AP3M1: variants seen among roughly 807,000 people sequenced by gnomAD.
AP3M1 encodes AP-3 complex subunit mu-1.
Under a neutral mutation model 42.6 loss-of-function variants are expected in AP3M1, and 29 were observed. The ratio of observed to expected loss-of-function variants is 0.68; its 90% CI spans 0.51 to 0.93. AP3M1 has a LOEUF of 0.93. AP3M1 is among the 40% of genes least tolerant of loss of function. The pLI, the probability that AP3M1 is intolerant of heterozygous loss-of-function variation, is 0.00. For synonymous variants in AP3M1, 178 were observed against 175.3 expected (o/e 1.02, Z -0.12); for missense variants, 416 against 510.2 (o/e 0.82, Z 1.78).
chr10:74,136,766 T>A lies in AP3M1; in HGVS notation c.311A>T (p.Asp104Val), dbSNP rs1488769399. Residue 104 changes from aspartate to valine, a missense_variant, in exon 3 of 9, where the codon GAT becomes GTT. Physicochemically the swap from Asp to Val is radical, Grantham distance 152 (BLOSUM62 -3). Transcript: ENST00000355264. ...FGECSEAAIK[D>V]NVVIVYELLE... ...GAGTTCATATACTATGACCACATTA[T>A]CCTTAATTGCAGCCTCTGAACACTC... 10 of 1,550,946 alleles carry A rather than the reference T, an allele frequency of 6.4e-6. No homozygotes were observed. The highest frequency in any genetic ancestry group is 1.4e-5 in the African/African-American group (1 of 73,888).
intron 7 of AP3M1, among the ~76,000 whole-genome samples, chr10:74,124,944 C>T (rs928300392): frequency 6.6e-6 from 1 of 152,094 alleles, no homozygotes; most frequent in Non-Finnish European, 1.5e-5. Flanking sequence ...CAAATGTTCT[C>T]CATCATAACC....
intron 1 of AP3M1, among the ~76,000 whole-genome samples, chr10:74,141,083 A>G (rs1444787761): frequency 2.0e-5 from 3 of 152,200 alleles, no homozygotes; most frequent in African/African-American, 4.8e-5. Flanking sequence ...AATTCACAAA[A>G]TGATAGTAAA....
At chr10:74,130,224 A>C (rs1037892051) in intron 4 of AP3M1, among the ~76,000 whole-genome samples, 2 of 151,972 alleles carry the variant, frequency 1.3e-5, no homozygotes, top group Non-Finnish European at 2.9e-5. Flanking sequence ...GCGTGCCATG[A>C]CACCTAGCCC....
intron 1 of AP3M1, among the ~76,000 whole-genome samples, chr10:74,146,260 C>A (rs942081529): frequency 6.6e-6 from 1 of 152,118 alleles, no homozygotes; most frequent in Non-Finnish European, 1.5e-5. Flanking sequence ...TAAGCAGAGA[C>A]TGATTGGTTC....
chr10:74,138,177 G>C lies in AP3M1; in HGVS notation c.203C>G (p.Ser68Cys). ...AGGTGGCACTTCGGTCTGTATGACAGATACAAAGAAGAGCTTATCCCGGTA... is the reference window on the plus strand; with the variant it reads ...AGGTGGCACTTCGGTCTGTATGACACATACAAAGAAGAGCTTATCCCGGTA... ...SIYRDKLFFVSVIQTEVPPLF... is the reference protein window; with the variant it reads ...SIYRDKLFFVCVIQTEVPPLF... Residue 68 changes from serine to cysteine, a missense_variant, in exon 2 of 9, where the codon TCT becomes TGT. Transcript: ENST00000355264. 1.2e-6 allele frequency: 2 copies of C among 1,614,148 alleles called. No individual in the cohort carries two copies. Among genetic ancestry groups the C allele is most frequent in the Non-Finnish European group, 1.7e-6 (2 of 1,180,016 alleles).
chr10:74,135,743 C>T (rs1320447326), intron 3 of AP3M1, among the ~76,000 whole-genome samples: 3 of 152,078 alleles, frequency 2.0e-5, no homozygotes, highest in African/African-American at 7.2e-5. Context: ...CAGTTATTTA[C>T]TTAATTTTTT....
At chr10:74,143,940 G>T (rs931833182) in intron 1 of AP3M1, among the ~76,000 whole-genome samples, 4 of 152,140 alleles carry the variant, frequency 2.6e-5, no homozygotes, top group Admixed American at 2.0e-4. Flanking sequence ...ACCCAATACT[G>T]AAGTTTTAAT....
chr10:74,137,934 G>C (rs1364241976), intron 2 of AP3M1, among the ~76,000 whole-genome samples, 173 bp downstream of exon 2: 4 of 152,170 alleles, frequency 2.6e-5, no homozygotes, highest in African/African-American at 7.2e-5. Context: ...ATAGTGAATA[G>C]AGCAGCCATG....
At chr10:74,124,897 G>A (rs1444237249) in intron 7 of AP3M1, among the ~76,000 whole-genome samples, 1 of 152,186 alleles carries the variant, frequency 6.6e-6, no homozygotes, top group South Asian at 2.1e-4. Context: ...GTTAGTCAGA[G>A]GTAAGGCTGG....
At chr10:74,135,325 C>T (rs1251737465) in intron 3 of AP3M1, among the ~76,000 whole-genome samples, 1 of 152,152 alleles carries the variant, frequency 6.6e-6, no homozygotes, top group Non-Finnish European at 1.5e-5. Context: ...ATGGAGAATG[C>T]TCTTATTCCT....
intron 1 of AP3M1, among the ~76,000 whole-genome samples, chr10:74,145,088 C>G (rs1157488444): frequency 6.6e-6 from 1 of 152,174 alleles, no homozygotes; most frequent in Non-Finnish European, 1.5e-5. Context: ...TTTAAAAGCA[C>G]CGACACAGGT....
intron 4 of AP3M1, among the ~76,000 whole-genome samples, chr10:74,133,029 G>A (rs1266669265): frequency 6.6e-6 from 1 of 152,114 alleles, no homozygotes; most frequent in Non-Finnish European, 1.5e-5. Context: ...AAGGCAGGTG[G>A]ATCACTTGAG....
In AP3M1 at chr10:74,150,814, A is replaced by G. The variant is rs1223701730; in HGVS notation, c.-63T>C. The G allele has an allele frequency of 1.6e-5, 3 of 182,454 alleles. No homozygotes were observed. The highest frequency in any genetic ancestry group is 7.1e-5 in the African/African-American group (3 of 42,144). The allele number at this position is 182,454 out of a possible 1,614,324, so 11.3% of individuals were successfully genotyped here. A position where few individuals can be genotyped will look rare whatever the true frequency, so the allele number is the denominator to read the frequency against. ...GATCCTCTCCTACCGAAGCTGGAGA[A>G]GCCGAGAAGGCCGCGAGGACCCGCA... On this transcript the variant is annotated 5_prime_UTR_variant, in exon 1 of 9. Transcript: ENST00000355264.
chr10:74,126,053 A>T, intron 7 of AP3M1, 95 bp downstream of exon 7: 2 of 1,345,728 alleles, frequency 1.5e-6, no homozygotes, highest in African/African-American at 1.4e-5. Flanking sequence ...CTTTAGTTTT[A>T]AACAAGGTGC....
At chr10:74,138,747 A>G in intron 1 of AP3M1, 1 of 173,614 alleles carries the variant, frequency 5.8e-6, no homozygotes, top group Non-Finnish European at 1.2e-5. Context: ...CCTGGGCAAC[A>G]GGGCAAAACA....
At chr10:74,148,877 GT>G (rs1361042773) in intron 1 of AP3M1, among the ~76,000 whole-genome samples, 134 of 138,616 alleles carry the variant, frequency 9.7e-4, no homozygotes, top group South Asian at 2.6e-3. Flanking sequence ...ATATTGGTTT[GT>G]TTTTTTTTTT....
intron 6 of AP3M1, chr10:74,128,868 G>T: frequency 2.5e-6 from 1 of 399,266 alleles, no homozygotes; most frequent in Non-Finnish European, 4.5e-6. Context: ...TGTATGGTTT[G>T]CTTGTTCTTG....
intron 1 of AP3M1, among the ~76,000 whole-genome samples, chr10:74,142,231 G>A (rs1157156683): frequency 6.6e-6 from 1 of 152,106 alleles, no homozygotes; most frequent in African/African-American, 2.4e-5. Flanking sequence ...ACCAGTATCA[G>A]GTGTTTAGTC....
Position 74,138,206 on chromosome 10 carries a change from A to G in AP3M1, c.174T>C (p.Ser58=). Residue 58 remains serine (S), a synonymous_variant, in exon 2 of 9, where the codon AGT becomes AGC. Coordinates refer to ENST00000355264, the MANE Select transcript of AP3M1 (RefSeq NM_012095.6). ...CAAAGAAGAGCTTATCCCGGTAGAT[A>G]CTGATGAGGTAGTGGTGAGGTGTTG... ...VISTPHHYLI[S]IYRDKLFFVS... is the part of the protein sequence containing the mutation. The G allele has an allele frequency of 6.2e-7, 1 of 1,614,184 alleles. No individual in the cohort carries two copies. The highest frequency in any genetic ancestry group is 8.5e-7 in the Non-Finnish European group (1 of 1,180,024).
Sources: allele counts gnomAD v4.1 joint callset (sites outside exome capture counted in the v4.1 genomes callset), GRCh38; gene constraint gnomAD v4.1.1; transcripts MANE v1.5; gene names NCBI Gene and HGNC (gene_info 2026-07-23, HGNC 2026-07-21).